Variants in TPRG1 observed in about 807,000 individuals in gnomAD.
TPRG1 encodes the protein tumor protein p63 regulated 1.
TPRG1 carries 29 observed loss-of-function variants against 29.3 expected under a neutral mutation model. The ratio of observed to expected loss-of-function variants is 0.99; its 90% CI spans 0.74 to 1.35. TPRG1 has a LOEUF of 1.35. Among genes scored for constraint, TPRG1 ranks in the 40% most tolerant of loss-of-function variants. The pLI is 0.00. For missense variants in TPRG1, 327 were observed against 335.0 expected (o/e 0.98, Z 0.19); for synonymous variants, 130 against 116.8 (o/e 1.11, Z -0.73).
intron 3 of TPRG1, among the ~76,000 whole-genome samples, chr3:189,021,744 C>T (rs1227133357): frequency 1.3e-5 from 2 of 152,010 alleles, no homozygotes; most frequent in African/African-American, 2.4e-5. Context: ...ATCTTTGTGG[C>T]GTTCTCTGTA....
At chr3:189,294,546 C>G (rs1293462628) in intron 4 of TPRG1, among the ~76,000 whole-genome samples, 1 of 152,084 alleles carries the variant, frequency 6.6e-6, no homozygotes, top group Non-Finnish European at 1.5e-5. Flanking sequence ...GCTACCAGCT[C>G]CCCAGCTCCA....
chr3:189,275,378 A>G (rs1197991236), intron 4 of TPRG1, among the ~76,000 whole-genome samples: 1 of 152,194 alleles, frequency 6.6e-6, no homozygotes, highest in Non-Finnish European at 1.5e-5. Context: ...CAGCTATATT[A>G]TAAGGTGCAA....
intron 4 of TPRG1, among the ~76,000 whole-genome samples, chr3:189,284,121 C>G (rs974196399): frequency 6.6e-6 from 1 of 152,116 alleles, no homozygotes; most frequent in Non-Finnish European, 1.5e-5. Context: ...AAATGTTTCT[C>G]CATTAAAGTT....
At chr3:189,022,120 G>A (rs1329809733) in intron 3 of TPRG1, among the ~76,000 whole-genome samples, 1 of 152,022 alleles carries the variant, frequency 6.6e-6, no homozygotes, top group Non-Finnish European at 1.5e-5. Flanking sequence ...GGTTATTCTA[G>A]TTATACATTC....
At chr3:189,014,996 C>A (rs1712849994) in intron 3 of TPRG1, among the ~76,000 whole-genome samples, 1 of 152,090 alleles carries the variant, frequency 6.6e-6, no homozygotes, top group African/African-American at 2.4e-5. Flanking sequence ...GAGGTTGGAA[C>A]AGTTTGGAGG....
intron 4 of TPRG1, among the ~76,000 whole-genome samples, chr3:189,149,136 A>G (rs1468096202): frequency 6.6e-6 from 1 of 152,110 alleles, no homozygotes; most frequent in African/African-American, 2.4e-5. Context: ...TATCTTATTA[A>G]TAAATTAACG....
chr3:189,116,218 C>G (rs574998794), intron 1 of TPRG1, among the ~76,000 whole-genome samples: 2 of 152,154 alleles, frequency 1.3e-5, no homozygotes, highest in Non-Finnish European at 2.9e-5. Flanking sequence ...CACTCTGTCA[C>G]CCAGGCTGGT....
At chr3:189,087,548 T>G (rs1214234649) in intron 4 of TPRG1, among the ~76,000 whole-genome samples, 1 of 152,222 alleles carries the variant, frequency 6.6e-6, no homozygotes, top group Non-Finnish European at 1.5e-5. Flanking sequence ...TTGTTGCCAT[T>G]GCTTTTGGTG....
chr3:189,025,428 G>A lies in TPRG1; in HGVS notation c.-463+1482G>A, dbSNP rs1272280874. Among the ~76,000 whole-genome samples, 3 of 152,116 alleles carry A rather than the reference G, an allele frequency of 2.0e-5. No homozygotes were observed. In the East Asian group the frequency reaches 5.8e-4, roughly 29 times the overall value. On this transcript the variant is annotated intron_variant, in intron 4 of 10. Coordinates refer to the TPRG1 transcript ENST00000433971. ...TTGCTTCCCTGATCAGTCCCAATGC[G>A]AGTCCCTGGATATTTCAGTTGAAGG...
intron 4 of TPRG1, among the ~76,000 whole-genome samples, chr3:189,079,889 A>C (rs924680039): frequency 6.6e-6 from 1 of 152,214 alleles, no homozygotes; most frequent in Non-Finnish European, 1.5e-5. Context: ...TACCTGTGTT[A>C]ATGCTTCACT....
chr3:189,021,506 G>C (rs1408686180), intron 3 of TPRG1, among the ~76,000 whole-genome samples: 1 of 152,016 alleles, frequency 6.6e-6, no homozygotes, highest in African/African-American at 2.4e-5. Context: ...AGTTTGGCTG[G>C]ATATGAAATT....
In TPRG1 at chr3:189,000,754, A is replaced by AT. The variant is rs574899170; in HGVS notation, c.-1015-8dup. 135 of 145,544 alleles carry AT rather than the reference A, an allele frequency of 9.3e-4. No homozygotes were observed. In the East Asian group the frequency reaches 0.015, roughly 16 times the overall value. 9.0% of individuals were successfully genotyped at this position (145,544 alleles called of 1,614,324 possible). ...ATATTTATATATATTATACATATGT[A>AT]TTTTTTTTTTTTGAAACAGGATCTC... On this transcript the variant is annotated intron_variant, in intron 1 of 10. Transcript: ENST00000433971.
At chr3:189,285,598 T>G (rs947656220) in intron 4 of TPRG1, among the ~76,000 whole-genome samples, 1 of 152,248 alleles carries the variant, frequency 6.6e-6, no homozygotes. Flanking sequence ...TTTCCTAACA[T>G]TTTTGATCAC....
intron 4 of TPRG1, among the ~76,000 whole-genome samples, chr3:189,037,622 C>A (rs1397462771): frequency 6.6e-6 from 1 of 151,452 alleles, no homozygotes; most frequent in Non-Finnish European, 1.5e-5. Flanking sequence ...GGGACATAAC[C>A]AAATATAATG....
chr3:189,139,760 G>A (rs1724289811), intron 3 of TPRG1, among the ~76,000 whole-genome samples: 1 of 151,186 alleles, frequency 6.6e-6, no homozygotes, highest in Non-Finnish European at 1.5e-5. Flanking sequence ...GCAGTGAACT[G>A]AGCTGTTGAG....
At chr3:189,234,217 G>C (rs1739101653) in intron 3 of TPRG1, among the ~76,000 whole-genome samples, 1 of 152,150 alleles carries the variant, frequency 6.6e-6, no homozygotes, top group Non-Finnish European at 1.5e-5. Flanking sequence ...TTAGCCACTT[G>C]TGGGTAGGGG....
intron 1 of TPRG1, among the ~76,000 whole-genome samples, chr3:189,184,975 G>A (rs1487035752): frequency 1.3e-5 from 2 of 152,214 alleles, no homozygotes; most frequent in Non-Finnish European, 2.9e-5. Flanking sequence ...TCTTGTTGTG[G>A]AAGTCTGTCT....
At chr3:189,240,764 A>G (rs1460032197) in intron 4 of TPRG1, among the ~76,000 whole-genome samples, 1 of 152,220 alleles carries the variant, frequency 6.6e-6, no homozygotes, top group Non-Finnish European at 1.5e-5. Flanking sequence ...TAGTCAAACC[A>G]TATCAAGGTC....
chr3:189,247,596 T>C (rs1045638775), intron 4 of TPRG1, among the ~76,000 whole-genome samples: 1 of 151,964 alleles, frequency 6.6e-6, no homozygotes, highest in African/African-American at 2.4e-5. Context: ...TTTTGGTTGT[T>C]TGTTTTTTTG....
Sources: allele counts gnomAD v4.1 joint callset (sites outside exome capture counted in the v4.1 genomes callset), GRCh38; gene constraint gnomAD v4.1.1; transcripts MANE v1.5; gene names NCBI Gene and HGNC (gene_info 2026-07-23, HGNC 2026-07-21).